The following SMIM10L3 variants were observed in gnomAD, a reference collection of about 807,000 sequenced individuals.
The protein encoded by SMIM10L3 is small integral membrane protein 10 like 3.
the SMIM10L3 span, among the ~76,000 whole-genome samples, chr7:6,345,359 C>T: frequency 7.5e-3 from 1,142 of 152,170 alleles, 7 homozygotes; most frequent in African/African-American, 0.026. Flanking sequence ...AAGTGATCCT[C>T]CCACCTCAGT....
At chr7:6,331,216 C>T in the SMIM10L3 span, 1 of 1,476,522 alleles carries the variant, frequency 6.8e-7, no homozygotes, top group Non-Finnish European at 9.2e-7. Context: ...GGAGGGCCTT[C>T]AATGGATCTC....
chr7:6,342,951 G>A, the SMIM10L3 span, among the ~76,000 whole-genome samples: 6 of 151,804 alleles, frequency 4.0e-5, no homozygotes, highest in Non-Finnish European at 8.8e-5. Flanking sequence ...GTGGGAGGAT[G>A]GCTTGAGTCC....
the SMIM10L3 span, among the ~76,000 whole-genome samples, chr7:6,338,007 T>C: frequency 1.3e-5 from 2 of 150,180 alleles, no homozygotes; most frequent in South Asian, 4.2e-4. Flanking sequence ...TTTCACCATG[T>C]TGGCCAGGCT....
chr7:6,338,001 A>G, the SMIM10L3 span, among the ~76,000 whole-genome samples: 1 of 151,798 alleles, frequency 6.6e-6, no homozygotes, highest in Non-Finnish European at 1.5e-5. Context: ...ACATGGTTTC[A>G]CCATGTTGGC....
chr7:6,332,992 C>T, the SMIM10L3 span, among the ~76,000 whole-genome samples: 7 of 152,038 alleles, frequency 4.6e-5, no homozygotes, highest in African/African-American at 7.2e-5. Flanking sequence ...AACCCTGTCT[C>T]TATCAAAAAT....
chr7:6,334,422 G>A, the SMIM10L3 span, among the ~76,000 whole-genome samples: 1 of 151,706 alleles, frequency 6.6e-6, no homozygotes, highest in African/African-American at 2.4e-5. Context: ...TGTAGTCCCT[G>A]CTACTCGGGA....
the SMIM10L3 span, chr7:6,330,258 G>A: frequency 6.1e-4 from 616 of 1,011,974 alleles, no homozygotes; most frequent in Non-Finnish European, 8.2e-4. Context: ...CTGCCAGGTC[G>A]TACAAAACTA....
chr7:6,345,612 G>A, the SMIM10L3 span, among the ~76,000 whole-genome samples: 1 of 151,976 alleles, frequency 6.6e-6, no homozygotes, highest in Non-Finnish European at 1.5e-5. Flanking sequence ...CATGTAGCAG[G>A]TTTTCTCTTA....
At chr7:6,338,287 G>A in the SMIM10L3 span, among the ~76,000 whole-genome samples, 2 of 152,132 alleles carry the variant, frequency 1.3e-5, no homozygotes, top group East Asian at 3.8e-4. Context: ...GTATGCTAGA[G>A]ATATATTGTA....
the SMIM10L3 span, among the ~76,000 whole-genome samples, chr7:6,333,029 T>C: frequency 1.3e-5 from 2 of 151,214 alleles, no homozygotes; most frequent in Non-Finnish European, 3.0e-5. Flanking sequence ...TGCTGGCGGG[T>C]GCCTGTAATC....
the SMIM10L3 span, among the ~76,000 whole-genome samples, chr7:6,339,265 G>A: frequency 1.3e-5 from 2 of 151,902 alleles, no homozygotes; most frequent in East Asian, 3.9e-4. Context: ...CCTAGGAGCC[G>A]GAGACCAGCC....
the SMIM10L3 span, among the ~76,000 whole-genome samples, chr7:6,344,577 C>A: frequency 1.3e-5 from 2 of 152,074 alleles, no homozygotes; most frequent in African/African-American, 4.8e-5. Flanking sequence ...CACCACCACG[C>A]CCAGCTAATT....
the SMIM10L3 span, among the ~76,000 whole-genome samples, chr7:6,345,390 T>C: frequency 5.3e-5 from 8 of 152,006 alleles, no homozygotes; most frequent in Admixed American, 2.0e-4. Context: ...GCTGGGATTA[T>C]AGGCATGAGC....
the SMIM10L3 span, among the ~76,000 whole-genome samples, chr7:6,340,723 C>T: frequency 1.3e-5 from 2 of 151,632 alleles, no homozygotes; most frequent in African/African-American, 4.8e-5. Flanking sequence ...CACGGTAAAA[C>T]CCTGTCTCTA....
chr7:6,341,620 G>A, the SMIM10L3 span, among the ~76,000 whole-genome samples: 1 of 151,034 alleles, frequency 6.6e-6, no homozygotes, highest in South Asian at 2.1e-4. Flanking sequence ...AACCCAGGAG[G>A]TGGAGCTTGC....
chr7:6,343,397 C>CATATAT, the SMIM10L3 span, among the ~76,000 whole-genome samples: 57 of 86,970 alleles, frequency 6.6e-4, 1 homozygote, highest in Middle Eastern at 7.6e-3. Context: ...ATAATAATTT[C>CATATAT]ATATATATAT....
At chr7:6,345,039 C>T in the SMIM10L3 span, among the ~76,000 whole-genome samples, 4 of 151,990 alleles carry the variant, frequency 2.6e-5, no homozygotes, top group East Asian at 1.9e-4. Flanking sequence ...CCACCACGCC[C>T]GGCCACTGCG....
the SMIM10L3 span, among the ~76,000 whole-genome samples, chr7:6,341,098 C>T: frequency 1.4e-5 from 2 of 141,756 alleles, no homozygotes; most frequent in African/African-American, 2.6e-5. Context: ...GAGCTGAGAT[C>T]GTGCCACTGC....
the SMIM10L3 span, among the ~76,000 whole-genome samples, chr7:6,342,843 C>T: frequency 6.6e-6 from 1 of 151,678 alleles, no homozygotes; most frequent in East Asian, 2.0e-4. Flanking sequence ...TCGAGACCAC[C>T]CTGGGCAACA....
Sources: gnomAD v4.1 joint callset for allele counts (sites outside exome capture counted in the v4.1 genomes callset) on GRCh38, gnomAD v4.1.1 for gene constraint, MANE v1.5 for transcripts, NCBI Gene and HGNC (gene_info 2026-07-23, HGNC 2026-07-21) for gene names.